Variants in GYS2 observed in about 807,000 individuals in gnomAD.
GYS2 encodes the protein glycogen [starch] synthase, liver.
A neutral mutation model predicts 85.6 loss-of-function variants in GYS2; 80 were observed. That is an observed-to-expected ratio of 0.93 (90% CI 0.78 to 1.13). The LOEUF (loss-of-function observed/expected upper bound fraction) is 1.13, where lower values mean the gene tolerates loss of function less well. GYS2 is among the 50% of genes most tolerant of loss of function. The pLI is 0.00. For synonymous variants in GYS2, 328 were observed against 300.7 expected (o/e 1.09, Z -0.94); for missense variants, 881 against 854.9 (o/e 1.03, Z -0.38).
intron 13 of GYS2, among the ~76,000 whole-genome samples, chr12:21,541,093 G>A (rs1002151259): frequency 5.9e-5 from 9 of 151,576 alleles, no homozygotes; most frequent in Non-Finnish European, 1.3e-4. Context: ...GGCAACCTGG[G>A]GAAATCCCAT....
chr12:21,540,388 G>A (rs1301976860), intron 14 of GYS2, 22 bp downstream of exon 14: 3 of 1,605,272 alleles, frequency 1.9e-6, no homozygotes, highest in Non-Finnish European at 2.6e-6. Flanking sequence ...GTGGTCTGCT[G>A]TGTTTATCTA....
At chr12:21,598,463 C>T (rs1944719879) in intron 1 of GYS2, among the ~76,000 whole-genome samples, 1 of 152,052 alleles carries the variant, frequency 6.6e-6, no homozygotes. Flanking sequence ...TATATTCCAA[C>T]ACCATTTTAG....
At chr12:21,552,904 C>T (rs373565542) in intron 11 of GYS2, among the ~76,000 whole-genome samples, 11 of 152,232 alleles carry the variant, frequency 7.2e-5, no homozygotes, top group South Asian at 2.1e-4. Context: ...AAGATAAATC[C>T]GCTTTCTTCA....
chr12:21,557,229 CTTAGTAGAGG>C (rs1944191274), intron 11 of GYS2, among the ~76,000 whole-genome samples: 1 of 152,146 alleles, frequency 6.6e-6, no homozygotes, highest in Non-Finnish European at 1.5e-5. Flanking sequence ...GTGGATGGAG[CTTAGTAGAGG>C]TAAGCAATTA....
chr12:21,559,164 T>G lies in GYS2; in HGVS notation c.1235A>C (p.Glu412Ala). Reference sequence around the variant, plus strand: ...TAAAATATCGTTCAGGTCAGGAATTTCTCCTCTGCAGGGAAAAAATGTTAA... The same window carrying G: ...TAAAATATCGTTCAGGTCAGGAATTGCTCCTCTGCAGGGAAAAAATGTTAA... Reference protein sequence around the residue: ...KKLYDALLRGEIPDLNDILDR... With the variant: ...KKLYDALLRGAIPDLNDILDR... Residue 412 changes from glutamate (E) to alanine (A), a missense_variant, in exon 10 of 16, where the codon GAA (glutamate) becomes GCA (alanine). Physicochemically the swap from Glu to Ala is moderately radical, Grantham distance 107. Transcript: ENST00000261195. 1.3e-6 allele frequency: 2 copies of G among 1,598,166 alleles called. No homozygotes were observed. Among genetic ancestry groups the G allele is most frequent in the Non-Finnish European group, 1.7e-6 (2 of 1,166,456 alleles).
intron 12 of GYS2, among the ~76,000 whole-genome samples, chr12:21,545,924 A>G (rs1375696771): frequency 6.6e-6 from 1 of 152,238 alleles, no homozygotes; most frequent in African/African-American, 2.4e-5. Context: ...AATTTTAAAA[A>G]GAATTATTCT....
chr12:21,540,367 G>A (rs199745559), intron 14 of GYS2, 43 bp downstream of exon 14: 1 of 1,523,760 alleles, frequency 6.6e-7, no homozygotes, highest in Non-Finnish European at 9.1e-7. Context: ...TAGTCCAGTG[G>A]AATTTTTTAA....
downstream of GYS2, among the ~76,000 whole-genome samples, chr12:21,534,393 T>A (rs1428426013): frequency 6.6e-6 from 1 of 152,092 alleles, no homozygotes; most frequent in Admixed American, 6.5e-5. Context: ...GGCACATGCC[T>A]GTGGTCTGAG....
chr12:21,572,192 C>T (rs1944394736), intron 4 of GYS2, among the ~76,000 whole-genome samples: 1 of 152,140 alleles, frequency 6.6e-6, no homozygotes, highest in Non-Finnish European at 1.5e-5. Context: ...ATGAATTTTA[C>T]TAAAAACTTA....
rs142199260 is a variant in GYS2, at chr12:21,575,381, A to G, written c.495+485T>C. On this transcript the variant is annotated intron_variant, in intron 3 of 15. Transcript: ENST00000261195. Reference sequence around the variant, plus strand: ...CACACTGACTCCACAATGAGAGTTCATTTCCTTAATAGAGACAATAGCAAA... The same window carrying G: ...CACACTGACTCCACAATGAGAGTTCGTTTCCTTAATAGAGACAATAGCAAA... 3.9e-5 allele frequency among the ~76,000 whole-genome samples: 6 copies of G among 152,286 alleles called. No homozygotes were observed. In the East Asian group the frequency reaches 9.6e-4, roughly 24 times the overall value.
intron 1 of GYS2, among the ~76,000 whole-genome samples, chr12:21,598,715 A>G (rs1944722303): frequency 6.6e-6 from 1 of 152,152 alleles, no homozygotes; most frequent in Non-Finnish European, 1.5e-5. Flanking sequence ...CTGCAAATAA[A>G]TGGTTTTATT....
At position 21,536,664 on chromosome 12, in the gene GYS2, C is replaced by T. The variant is rs17849015; in HGVS notation, c.*290G>A. ...AAAAATAAACAGAGTAAGAGAAAAT[C>T]CTTACCACTTAAATTCACCATTTTA... is the stretch of plus-strand genomic sequence containing the variant. On this transcript the variant is annotated 3_prime_UTR_variant, in exon 16 of 16. Transcript: ENST00000261195. 2.3e-6 allele frequency: 1 copy of T among 427,280 alleles called. No homozygotes were observed. The highest frequency in any genetic ancestry group is 4.3e-6 in the Non-Finnish European group (1 of 232,520). 26.5% of individuals were successfully genotyped at this position (427,280 alleles called of 1,614,324 possible).
chr12:21,589,233 A>G (rs1052341294), intron 1 of GYS2, among the ~76,000 whole-genome samples: 3 of 152,214 alleles, frequency 2.0e-5, no homozygotes, highest in Admixed American at 1.3e-4. Flanking sequence ...GCTGAAGAAC[A>G]TAAGGGGGAA....
At chr12:21,604,228 T>G (rs1944782499) in intron 1 of GYS2, among the ~76,000 whole-genome samples, 1 of 152,178 alleles carries the variant, frequency 6.6e-6, no homozygotes, top group Admixed American at 6.5e-5. Context: ...TTAATTTAAA[T>G]GCACATTCCA....
At chr12:21,571,019 A>G (rs919701095) in intron 4 of GYS2, among the ~76,000 whole-genome samples, 1 of 152,244 alleles carries the variant, frequency 6.6e-6, no homozygotes, top group Non-Finnish European at 1.5e-5. Context: ...AATTATTATT[A>G]TTGTTGTAGA....
chr12:21,578,271 T>C (rs1343055235), intron 2 of GYS2, among the ~76,000 whole-genome samples: 1 of 152,184 alleles, frequency 6.6e-6, no homozygotes, highest in Non-Finnish European at 1.5e-5. Flanking sequence ...TCCTGTCTAT[T>C]CCTTATTTAA....
intron 8 of GYS2, 150 bp downstream of exon 8, chr12:21,560,236 A>T: frequency 1.5e-6 from 1 of 649,340 alleles, no homozygotes; most frequent in Non-Finnish European, 2.8e-6. Context: ...AACCTAAAAT[A>T]GTAGCACGAT....
chr12:21,551,878 T>C (rs985655571), intron 11 of GYS2, among the ~76,000 whole-genome samples: 3 of 152,190 alleles, frequency 2.0e-5, no homozygotes, highest in African/African-American at 4.8e-5. Context: ...TTGAAAAGCA[T>C]TGTGTCTACT....
rs544695914 is a variant in GYS2 at position 21,558,817 on chromosome 12, A to G, written c.1308+274T>C. On this transcript the variant is annotated intron_variant, in intron 10 of 15. Coordinates refer to ENST00000261195, the MANE Select transcript of GYS2 (RefSeq NM_021957.4). The stretch of plus-strand genomic sequence containing the variant: ...AAGTATTTAGGACTTTTTTGTAGTT[A>G]CTAAACTATACATAATTTTTATATT... 2.4e-3 allele frequency among the ~76,000 whole-genome samples: 370 copies of G among 152,338 alleles called. 4 individuals carry two copies. Among genetic ancestry groups the G allele is most frequent in the African/African-American group, 8.6e-3 (356 of 41,584 alleles).
Sources: gnomAD v4.1 joint callset for allele counts (sites outside exome capture counted in the v4.1 genomes callset) on GRCh38, gnomAD v4.1.1 for gene constraint, MANE v1.5 for transcripts, NCBI Gene and HGNC (gene_info 2026-07-23, HGNC 2026-07-21) for gene names.